Variants in RASGRF1 observed in about 807,000 individuals in gnomAD.
The protein encoded by RASGRF1 is ras-specific guanine nucleotide-releasing factor 1.
In RASGRF1, 40 loss-of-function variants were observed where a neutral mutation model predicts 138.7. The observed-to-expected ratio is 0.29, with a 90% CI of 0.22 to 0.38. The LOEUF is 0.38. Ranked by LOEUF, RASGRF1 falls within the 10% of genes least tolerant of loss-of-function variation. The pLI, the probability that RASGRF1 is intolerant of heterozygous loss-of-function variation, is 1.00. For synonymous variants in RASGRF1, 614 were observed against 663.2 expected (o/e 0.93, Z 1.14); for missense variants, 1,108 against 1,650.4 (o/e 0.67, Z 5.69).
At chr15:78,999,331 T>C (rs1257402181) in intron 17 of RASGRF1, among the ~76,000 whole-genome samples, 1 of 151,592 alleles carries the variant, frequency 6.6e-6, no homozygotes, top group Admixed American at 6.6e-5. Flanking sequence ...GGATGGAAGT[T>C]TGGGGGAAGG....
chr15:78,987,344 AC>A (rs1423180247), intron 22 of RASGRF1, among the ~76,000 whole-genome samples: 2 of 145,542 alleles, frequency 1.4e-5, no homozygotes, highest in Non-Finnish European at 3.0e-5. Flanking sequence ...AAAAAAAAAA[AC>A]CTGGTAAAGG....
At chr15:78,975,111 G>A (rs2055845526) in intron 24 of RASGRF1, among the ~76,000 whole-genome samples, 1 of 152,196 alleles carries the variant, frequency 6.6e-6, no homozygotes, top group East Asian at 1.9e-4. Flanking sequence ...AAAGGGCCGA[G>A]TGGTGGCTCA....
chr15:78,974,475 C>T (rs990170925), intron 24 of RASGRF1, among the ~76,000 whole-genome samples: 2 of 152,272 alleles, frequency 1.3e-5, no homozygotes, highest in East Asian at 1.9e-4. Flanking sequence ...GCTGTGTGAC[C>T]CTAGGCCAGG....
rs746922690 is a variant in RASGRF1 at position 79,074,061 on chromosome 15, GC to G, written c.277-9536del. 6.6e-5 allele frequency among the ~76,000 whole-genome samples: 10 copies of G among 152,250 alleles called. No homozygotes were observed. The East Asian group carries it at 1.5e-3, about 23-fold the overall frequency. On this transcript the variant is annotated intron_variant, in intron 1 of 26. Transcript: ENST00000558480. Reference sequence around the variant, plus strand: ...TCTACAGCTCTGCTGGGCAGGAGCTGCCCCAGAGGTAAGTAGATGTAAAAAT... The same window carrying G: ...TCTACAGCTCTGCTGGGCAGGAGCTGCCCAGAGGTAAGTAGATGTAAAAAT...
At chr15:79,083,605 T>C (rs571285072) in intron 1 of RASGRF1, among the ~76,000 whole-genome samples, 13 of 152,286 alleles carry the variant, frequency 8.5e-5, no homozygotes, top group African/African-American at 2.4e-4. Flanking sequence ...TCTCTTTCTT[T>C]CTCCATGTAT....
intron 2 of RASGRF1, among the ~76,000 whole-genome samples, chr15:79,061,431 T>TATATAC (rs1555461889): frequency 1.4e-5 from 2 of 144,600 alleles, no homozygotes; most frequent in Non-Finnish European, 3.0e-5. Flanking sequence ...TATATATATA[T>TATATAC]CATTCATTTT....
At chr15:78,990,906 C>T (rs573424184) in intron 21 of RASGRF1, among the ~76,000 whole-genome samples, 43 of 152,274 alleles carry the variant, frequency 2.8e-4, no homozygotes, top group Middle Eastern at 6.8e-3. Context: ...TCCAAAGTGC[C>T]GACCCTCTCT....
rs2056607014 is a variant in RASGRF1, at chr15:79,003,896, C to A, written c.2355G>T (p.Lys785Asn). The change falls in exon 15 of 27, where the codon AAG becomes AAT. Residue 785 changes from lysine to asparagine, a missense_variant. Physicochemically the swap from Lys to Asn is moderately conservative, Grantham distance 94 (BLOSUM62 0). Around this residue, in one of 3 missense-constraint regions of RASGRF1, gnomAD observed 686 missense variants for 976.7 expected, o/e 0.70. Coordinates refer to ENST00000558480, the MANE Select transcript of RASGRF1 (RefSeq NM_001145648.3). ...TGGTGAAGCTGCTGGACACATAGAG[C>A]TTGCTGGTGTCCAGCGTGGCCTTGC... is the stretch of plus-strand genomic sequence containing the variant. Reference protein sequence around the residue: ...PFSKATLDTSKLYVSSSFTNK... With the variant: ...PFSKATLDTSNLYVSSSFTNK... The A allele has an allele frequency of 1.2e-6, 2 of 1,614,034 alleles. No homozygotes were observed. The highest frequency in any genetic ancestry group is 2.7e-5 in the African/African-American group (2 of 74,930).
chr15:78,990,991 A>G (rs1403280983), intron 21 of RASGRF1, among the ~76,000 whole-genome samples: 2 of 152,252 alleles, frequency 1.3e-5, no homozygotes, highest in Non-Finnish European at 2.9e-5. Context: ...AAGCCCCACA[A>G]TGATTCAAAT....
chr15:79,055,286 G>T (rs543245922), intron 3 of RASGRF1, among the ~76,000 whole-genome samples: 8 of 152,250 alleles, frequency 5.3e-5, no homozygotes, highest in African/African-American at 1.9e-4. Context: ...TCAAGAATGA[G>T]CTCTGTTTCC....
At chr15:79,014,237 A>T (rs1394395442) in intron 13 of RASGRF1, among the ~76,000 whole-genome samples, 1 of 152,218 alleles carries the variant, frequency 6.6e-6, no homozygotes, top group Non-Finnish European at 1.5e-5. Context: ...CAGCAACCCC[A>T]CTACTGGGTA....
Position 78,961,944 on chromosome 15 carries a change from C to T in RASGRF1, c.*200G>A, listed in dbSNP as rs1235838018. On this transcript the variant is annotated 3_prime_UTR_variant, in exon 27 of 27. Coordinates refer to ENST00000558480, the MANE Select transcript of RASGRF1 (RefSeq NM_001145648.3). ...TAAAAGAAACAGGCACTGCAGGAGACGAGGGGAGGGATGGGTGGGCGAAGT... is the reference window on the plus strand; with the variant it reads ...TAAAAGAAACAGGCACTGCAGGAGATGAGGGGAGGGATGGGTGGGCGAAGT... 5 of 522,620 alleles carry T rather than the reference C, an allele frequency of 9.6e-6. No individual in the cohort carries two copies. The highest frequency in any genetic ancestry group is 1.7e-5 in the Non-Finnish European group (5 of 297,394). The allele number at this position is 522,620 out of a possible 1,614,324, so 32.4% of individuals were successfully genotyped here. A position where few individuals can be genotyped will look rare whatever the true frequency, so the allele number is the denominator to read the frequency against.
chr15:79,040,581 C>T (rs1850805585), intron 5 of RASGRF1, among the ~76,000 whole-genome samples: 1 of 152,172 alleles, frequency 6.6e-6, no homozygotes, highest in Non-Finnish European at 1.5e-5. Context: ...TTTGCACAGG[C>T]CATTCCCTTT....
At chr15:79,052,247 C>G (rs2057443546) in intron 3 of RASGRF1, among the ~76,000 whole-genome samples, 1 of 152,246 alleles carries the variant, frequency 6.6e-6, no homozygotes, top group African/African-American at 2.4e-5. Context: ...CCCTACTCCC[C>G]TCTCTGGAGA....
At chr15:79,082,270 C>T (rs915117410) in intron 1 of RASGRF1, among the ~76,000 whole-genome samples, 1 of 152,194 alleles carries the variant, frequency 6.6e-6, no homozygotes, top group Admixed American at 6.5e-5. Context: ...TGCACCTCTT[C>T]TGAAATAAAG....
intron 24 of RASGRF1, among the ~76,000 whole-genome samples, chr15:78,978,160 C>G (rs1477105236): frequency 2.0e-5 from 3 of 151,752 alleles, no homozygotes; most frequent in Admixed American, 1.3e-4. Flanking sequence ...AGGCCATTCT[C>G]CAGCCTGGAT....
intron 2 of RASGRF1, among the ~76,000 whole-genome samples, chr15:79,060,008 ACACACACACACACACACACACACG>A (rs1441473772): frequency 1.9e-5 from 2 of 103,260 alleles, no homozygotes; most frequent in African/African-American, 3.6e-5. Context: ...ACACACACAC[ACACACACACACACACACACACACG>A]GTGTCTGAGG....
chr15:79,035,634 A>G lies in RASGRF1; in HGVS notation c.879-424T>C, dbSNP rs181118990. 2.4e-3 allele frequency among the ~76,000 whole-genome samples: 368 copies of G among 152,334 alleles called. 1 individual carries two copies. The highest frequency in any genetic ancestry group is 8.3e-3 in the African/African-American group (344 of 41,578). On this transcript the variant is annotated intron_variant, in intron 5 of 26. Transcript: ENST00000558480. ...TGGCAAACACGAGTAAAAGCCATGG[A>G]TCAACGGAAGAGCTAGAGTTTGGGA...
chr15:78,977,850 C>T (rs551618506), intron 24 of RASGRF1, among the ~76,000 whole-genome samples: 3 of 152,326 alleles, frequency 2.0e-5, no homozygotes, highest in African/African-American at 7.2e-5. Flanking sequence ...AAACTGGAAT[C>T]GGCCCCAAAA....
Sources: allele counts gnomAD v4.1 joint callset (sites outside exome capture counted in the v4.1 genomes callset), GRCh38; gene constraint gnomAD v4.1.1; regional missense constraint gnomAD v4.1.1; transcripts MANE v1.5; gene names NCBI Gene and HGNC (gene_info 2026-07-23, HGNC 2026-07-21).